The following HEATR4 variants were observed in gnomAD, a reference collection of about 807,000 sequenced individuals.
HEATR4 encodes HEAT repeat-containing protein 4.
In HEATR4, 95 loss-of-function variants were observed where a neutral mutation model predicts 108.8. The ratio of observed to expected loss-of-function variants is 0.87; its 90% CI spans 0.74 to 1.04. The LOEUF (loss-of-function observed/expected upper bound fraction) is 1.04. Ranked by LOEUF, HEATR4 falls within the 50% of genes least tolerant of loss-of-function variation. HEATR4 has a pLI of 0.00. For synonymous variants in HEATR4, 443 were observed against 459.4 expected (o/e 0.96, Z 0.46); for missense variants, 1,152 against 1,253.8 (o/e 0.92, Z 1.23).
rs370388799 is a variant in HEATR4 at position 73,543,196 on chromosome 14, C to T, written c.-151-12952G>A. On this transcript the variant is annotated intron_variant, in intron 1 of 17. Transcript: ENST00000553558. ...TTGGGGGAACCTTACGCTACAAGGG[C>T]GAGACCCTGCCCCCTGTGGGCGTCA... is the stretch of plus-strand genomic sequence containing the variant. The T allele has an allele frequency of 9.2e-5, 147 of 1,605,010 alleles. 8 individuals are homozygous for T. The highest frequency in any genetic ancestry group is 3.4e-4 in the East Asian group (15 of 44,256).
chr14:73,549,706 ACCT>A, intron 1 of HEATR4, among the ~76,000 whole-genome samples: 1 of 76,788 alleles, frequency 1.3e-5, no homozygotes, highest in South Asian at 4.4e-4. Flanking sequence ...AGGGCTTCCC[ACCT>A]CCTGTTGCCC....
the HEATR4 span, chr14:73,581,443 ATGTGTGTGTGTGTGTCTGTGTATGTG>A: frequency 6.6e-6 from 1 of 150,844 alleles, no homozygotes; most frequent in African/African-American, 2.4e-5. Context: ...ATGCCTCGTG[ATGTGTGTGTGTGTGTCTGTGTATGTG>A]TGTGTGTGTG....
chr14:73,578,231 C>CTTTTTT, the HEATR4 span, among the ~76,000 whole-genome samples: 3 of 139,350 alleles, frequency 2.2e-5, 1 homozygote, highest in Non-Finnish European at 4.6e-5. Context: ...GACATTTCAT[C>CTTTTTT]TTTTTTTTTT....
chr14:73,514,194 C>G lies in HEATR4; in HGVS notation c.1251G>C (p.Leu417Phe), dbSNP rs754982683. The G allele has an allele frequency of 5.0e-6, 8 of 1,614,058 alleles. No individual in the cohort carries two copies. Among genetic ancestry groups the G allele is most frequent in the Non-Finnish European group, 8.5e-7 (1 of 1,180,056 alleles). Residue 417 changes from leucine to phenylalanine, a missense_variant, in exon 6 of 18, where the codon TTG becomes TTC. Transcript: ENST00000553558. ...PVQGALRWTA[L>F]PTPAKDMLLQ... ...GCAGCATATCCTTGGCGGGGGTGGG[C>G]AAAGCAGTCCAGCGCAGGGCTCCTT...
chr14:73,569,192 G>A, the HEATR4 span: 1 of 1,597,024 alleles, frequency 6.3e-7, no homozygotes, highest in Non-Finnish European at 8.5e-7. Context: ...CACGTTAGCA[G>A]ACAGCTCTGC....
In HEATR4 at chr14:73,520,901, T is replaced by C; in HGVS notation, c.1020A>G (p.Gly340=). 1 of 1,614,084 alleles carries C rather than the reference T, an allele frequency of 6.2e-7. No individual in the cohort carries two copies. The highest frequency in any genetic ancestry group is 8.5e-7 in the Non-Finnish European group (1 of 1,180,014). The change falls in exon 4 of 18, where the codon GGA becomes GGG. Residue 340 remains glycine (G), a synonymous_variant. Coordinates refer to ENST00000553558, the MANE Select transcript of HEATR4 (RefSeq NM_001220484.1). The part of the protein sequence containing the change: ...SYFRQVTPRA[G]KFAYSTDNTF... ...TGTTGTCTGTGGAGTAGGCAAACTT[T>C]CCAGCTCGGGGAGTCACCTGGCGAA...
intron 2 of HEATR4, among the ~76,000 whole-genome samples, chr14:73,528,174 C>T (rs1317225979): frequency 1.3e-5 from 2 of 151,834 alleles, no homozygotes; most frequent in Non-Finnish European, 2.9e-5. Flanking sequence ...GTGGGCAGAT[C>T]ACCTGAGGTC....
intron 17 of HEATR4, among the ~76,000 whole-genome samples, chr14:73,479,775 C>T (rs962865726): frequency 1.1e-4 from 17 of 151,834 alleles, no homozygotes; most frequent in Admixed American, 9.8e-4. Context: ...CAGGGTTTCA[C>T]CATGTTGGCC....
At chr14:73,491,783 G>T (rs1390909557) in intron 17 of HEATR4, 1 of 1,580,502 alleles carries the variant, frequency 6.3e-7, no homozygotes. Context: ...CAACGAGGAG[G>T]TGCAGTTCGG....
chr14:73,592,146 G>C, the HEATR4 span: 2 of 1,592,812 alleles, frequency 1.3e-6, no homozygotes, highest in South Asian at 1.1e-5. Flanking sequence ...GCTGGACCTG[G>C]AGCGCGCACC....
At chr14:73,539,796 CTGGGG>C (rs1421956440) in intron 1 of HEATR4, 1 of 116,722 alleles carries the variant, frequency 8.6e-6, no homozygotes, top group African/African-American at 2.8e-5. Context: ...TGCCGGGGCA[CTGGGG>C]TTTCTCGGGA....
intron 1 of HEATR4, among the ~76,000 whole-genome samples, chr14:73,546,604 T>C (rs1889236663): frequency 8.7e-6 from 1 of 114,462 alleles, no homozygotes; most frequent in African/African-American, 2.8e-5. Flanking sequence ...GCTCAAGCAG[T>C]CTGTCCATCT....
intron 17 of HEATR4, among the ~76,000 whole-genome samples, chr14:73,482,536 A>G (rs369098577): frequency 8.6e-5 from 13 of 152,028 alleles, no homozygotes; most frequent in African/African-American, 3.1e-4. Flanking sequence ...TCTCAAACAA[A>G]AAAAGGGAAG....
the HEATR4 span, chr14:73,582,319 G>A: frequency 3.3e-5 from 5 of 150,962 alleles, no homozygotes; most frequent in Non-Finnish European, 7.4e-5. Context: ...CCCCTTCACT[G>A]CTCATAGATA....
chr14:73,481,126 TAG>T (rs1218319797), intron 17 of HEATR4, among the ~76,000 whole-genome samples: 1 of 152,160 alleles, frequency 6.6e-6, no homozygotes, highest in Non-Finnish European at 1.5e-5. Context: ...ATTATTTTAG[TAG>T]AGACATGAAC....
At position 73,478,571 on chromosome 14, in the gene HEATR4, G is replaced by T; in HGVS notation, c.*35C>A. The T allele has an allele frequency of 7.0e-7, 1 of 1,421,940 alleles. No individual in the cohort carries two copies. Among genetic ancestry groups the T allele is most frequent in the Non-Finnish European group, 9.9e-7 (1 of 1,008,930 alleles). 88.1% of individuals were successfully genotyped at this position (1,421,940 alleles called of 1,614,324 possible). A position where few individuals can be genotyped will look rare whatever the true frequency, so the allele number is the denominator to read the frequency against. On this transcript the variant is annotated 3_prime_UTR_variant, in exon 18 of 18. Coordinates refer to ENST00000553558, the MANE Select transcript of HEATR4 (RefSeq NM_001220484.1). ...AAGACCCAATGTGACCAGGTCCACT[G>T]CTTCCTGCATCTTGAAGTAAGACAA...
At chr14:73,615,303 C>T in the HEATR4 span, among the ~76,000 whole-genome samples, 1 of 145,008 alleles carries the variant, frequency 6.9e-6, no homozygotes, top group Admixed American at 7.3e-5. Context: ...AGGAGAATTG[C>T]TTGAACCCGG....
At chr14:73,626,740 T>C in the HEATR4 span, among the ~76,000 whole-genome samples, 1 of 146,046 alleles carries the variant, frequency 6.8e-6, no homozygotes, top group African/African-American at 2.6e-5. Context: ...CTAGCTGAGA[T>C]AACTGATGAA....
At chr14:73,518,533 T>A (rs1325556411) in intron 5 of HEATR4, among the ~76,000 whole-genome samples, 1 of 152,192 alleles carries the variant, frequency 6.6e-6, no homozygotes, top group East Asian at 1.9e-4. Flanking sequence ...ATGTGCACAT[T>A]TTGTTTCATA....
Sources: allele counts gnomAD v4.1 joint callset (sites outside exome capture counted in the v4.1 genomes callset), GRCh38; gene constraint gnomAD v4.1.1; transcripts MANE v1.5; gene names NCBI Gene and HGNC (gene_info 2026-07-23, HGNC 2026-07-21).